Variants in GPC3 observed in about 807,000 individuals in gnomAD.
The protein encoded by GPC3 is glypican 3.
GPC3 carries 3 observed loss-of-function variants against 34.4 expected under a neutral mutation model. The observed-to-expected ratio is 0.09, with a 90% confidence interval of 0.04 to 0.23. GPC3 has a LOEUF of 0.23. Ranked by LOEUF, GPC3 falls within the 10% of genes least tolerant of loss-of-function variation. The pLI, the probability that GPC3 is intolerant of heterozygous loss-of-function variation, is 1.00. For missense variants in GPC3, 351 were observed against 445.6 expected, an observed-to-expected ratio of 0.79 and a Z score of 1.91; for synonymous variants, 177 against 174.0, an observed-to-expected ratio of 1.02 and a Z score of -0.13.
At chrX:133,589,415 T>C (rs1423678619) in intron 7 of GPC3, among the ~76,000 whole-genome samples, 2 of 111,405 alleles carry the variant, frequency 1.8e-5, no homozygotes, top group Non-Finnish European at 3.8e-5. Flanking sequence ...TCACTCTTGT[T>C]GTCCAGGCTG....
At chrX:133,653,286 G>A (rs988554296) in intron 6 of GPC3, among the ~76,000 whole-genome samples, 1 of 111,630 alleles carries the variant, frequency 9.0e-6, no homozygotes, top group Non-Finnish European at 1.9e-5. Flanking sequence ...ATAGGAATGG[G>A]GGACTTAGAA....
At position 133,684,594 on chromosome X, in the gene GPC3, T is replaced by A. The variant is rs186248831; in HGVS notation, c.1292+7775A>T. The stretch of plus-strand genomic sequence containing the variant: ...CCATTGTTTATGTTTTTCTGTACCC[T>A]CTTCCTCTTGGCTCTGTATTTTATT... On this transcript the variant is annotated intron_variant, in intron 5 of 7. Transcript: ENST00000370818. Among the ~76,000 whole-genome samples, 10 of 111,734 alleles carry A rather than the reference T, an allele frequency of 8.9e-5. No individual in the cohort carries two copies. In the Middle Eastern group the frequency reaches 0.014, roughly 153 times the overall value.
intron 7 of GPC3, among the ~76,000 whole-genome samples, chrX:133,560,159 G>A (rs7052433): frequency 0.048 from 5,399 of 111,412 alleles, 356 homozygotes; most frequent in African/African-American, 0.17. Context: ...CATATTCTGT[G>A]TATCAGAGCA....
chrX:133,729,117 T>G (rs1009605673), intron 3 of GPC3, among the ~76,000 whole-genome samples: 1 of 110,956 alleles, frequency 9.0e-6, no homozygotes, highest in Non-Finnish European at 1.9e-5. Context: ...GCCACCATGT[T>G]ACCCTCTTGC....
chrX:133,908,683 G>C (rs1444606328), intron 2 of GPC3, among the ~76,000 whole-genome samples: 3 of 110,168 alleles, frequency 2.7e-5, no homozygotes, highest in Non-Finnish European at 5.7e-5. Context: ...CTCCAGATGT[G>C]GTCTGAGCAG....
chrX:133,571,844 G>C (rs2069635559), intron 7 of GPC3, among the ~76,000 whole-genome samples: 1 of 112,071 alleles, frequency 8.9e-6, no homozygotes, highest in African/African-American at 3.2e-5. Flanking sequence ...TCAAGAGGAG[G>C]ACTTTCTGTA....
At chrX:133,584,774 T>C (rs1456933967) in intron 7 of GPC3, among the ~76,000 whole-genome samples, 1 of 111,056 alleles carries the variant, frequency 9.0e-6, no homozygotes, top group Non-Finnish European at 1.9e-5. Context: ...CCACTGTGCC[T>C]GGCCTTCTAC....
intron 2 of GPC3, among the ~76,000 whole-genome samples, chrX:133,793,613 C>T (rs988860594): frequency 9.0e-6 from 1 of 111,499 alleles, no homozygotes; most frequent in African/African-American, 3.3e-5. Context: ...TTGCACACAA[C>T]CCCTCAGGCC....
At chrX:133,726,307 C>T (rs1387093585) in intron 3 of GPC3, among the ~76,000 whole-genome samples, 1 of 111,392 alleles carries the variant, frequency 9.0e-6, no homozygotes, top group Non-Finnish European at 1.9e-5. Context: ...GGGTAGGGCT[C>T]CCTTAGGACA....
In GPC3 at chrX:133,968,723, CTT is replaced by C. The variant is rs776701336; in HGVS notation, c.176-15514_176-15513del. Among the ~76,000 whole-genome samples, 407 of 94,457 alleles carry C rather than the reference CTT, an allele frequency of 4.3e-3. 5 individuals are homozygous for C. The highest frequency in any genetic ancestry group is 0.014 in the African/African-American group (359 of 26,196). 82.0% of individuals were successfully genotyped at this position (94,457 alleles called of 115,157 possible). On this transcript the variant is annotated intron_variant, in intron 1 of 7. Coordinates refer to ENST00000370818, the MANE Select transcript of GPC3 (RefSeq NM_004484.4). ...CTAGCAGATGTGAAGGCAACCTAGG[CTT>C]TTTTTTTTTTTTTCCTTTTTAGTTT... is the stretch of plus-strand genomic sequence containing the variant.
intron 7 of GPC3, among the ~76,000 whole-genome samples, chrX:133,574,829 T>C (rs916524086): frequency 8.9e-6 from 1 of 112,229 alleles, no homozygotes; most frequent in Non-Finnish European, 1.9e-5. Context: ...TAATGAGGCT[T>C]AAGGGTTGGC....
intron 2 of GPC3, among the ~76,000 whole-genome samples, chrX:133,798,807 T>C (rs1186986670): frequency 9.0e-6 from 1 of 111,643 alleles, no homozygotes; most frequent in African/African-American, 3.3e-5. Flanking sequence ...TGGGTAAGAA[T>C]AAGTCTATCT....
chrX:133,592,336 G>C (rs1352438791), intron 7 of GPC3, among the ~76,000 whole-genome samples: 2 of 84,729 alleles, frequency 2.4e-5, no homozygotes, highest in Admixed American at 1.6e-4. Flanking sequence ...CTGTGTCCAA[G>C]TGTTCTCGTT....
chrX:133,577,846 T>G (rs762176389), intron 7 of GPC3, among the ~76,000 whole-genome samples: 4 of 111,588 alleles, frequency 3.6e-5, no homozygotes, highest in Non-Finnish European at 7.5e-5. Context: ...CATGGGTGCC[T>G]AGTGACCTGG....
At chrX:133,974,555 G>A (rs2124648487) in intron 1 of GPC3, among the ~76,000 whole-genome samples, 1 of 111,499 alleles carries the variant, frequency 9.0e-6, no homozygotes, top group South Asian at 3.8e-4. Context: ...TCTTAATCAA[G>A]AGGGTTCTTG....
intron 2 of GPC3, among the ~76,000 whole-genome samples, chrX:133,794,721 C>A (rs1398410731): frequency 8.9e-6 from 1 of 112,050 alleles, no homozygotes; most frequent in Non-Finnish European, 1.9e-5. Flanking sequence ...ACTGTAAATG[C>A]ACTTCCTTAT....
chrX:133,719,808 ACT>A (rs1409292107), intron 3 of GPC3, among the ~76,000 whole-genome samples: 4 of 111,840 alleles, frequency 3.6e-5, no homozygotes, highest in African/African-American at 1.3e-4. Context: ...ATATTTGCAA[ACT>A]CTGCATTCAA....
intron 2 of GPC3, among the ~76,000 whole-genome samples, chrX:133,930,615 G>A (rs2076294078): frequency 8.9e-6 from 1 of 112,385 alleles, no homozygotes; most frequent in South Asian, 3.7e-4. Flanking sequence ...AAACTTTAAT[G>A]TGGAGTTTTA....
intron 7 of GPC3, among the ~76,000 whole-genome samples, chrX:133,560,493 C>G (rs773234741): frequency 3.6e-5 from 4 of 112,556 alleles, no homozygotes; most frequent in Non-Finnish European, 5.6e-5. Flanking sequence ...AATCCCAACA[C>G]TTTGGGAGGC....
Sources: allele counts gnomAD v4.1 joint callset (sites outside exome capture counted in the v4.1 genomes callset), GRCh38; gene constraint gnomAD v4.1.1; transcripts MANE v1.5; gene names NCBI Gene and HGNC (gene_info 2026-07-23, HGNC 2026-07-21).